Variants in BCAP31 observed in about 807,000 individuals in gnomAD.
BCAP31 encodes the protein B-cell receptor-associated protein 31.
For synonymous variants in BCAP31, 75 were observed against 80.9 expected (o/e 0.93, Z 0.39); for missense variants, 124 against 193.0 (o/e 0.64, Z 2.12).
chrX:153,716,998 T>C, intron 3 of BCAP31, among the ~76,000 whole-genome samples: 1 of 102,437 alleles, frequency 9.8e-6, no homozygotes, highest in Non-Finnish European at 2.0e-5. Context: ...AATAAAAATG[T>C]GGTCACATCT....
chrX:153,711,912 A>G (rs185139692), intron 4 of BCAP31, among the ~76,000 whole-genome samples: 3,330 of 109,109 alleles, frequency 0.031, 119 homozygotes, highest in African/African-American at 0.099. Flanking sequence ...CTCAAAAAAA[A>G]AAAAAAAAGA....
chrX:153,702,491 G>A, intron 6 of BCAP31: 1 of 179,858 alleles, frequency 5.6e-6, no homozygotes, highest in Non-Finnish European at 1.0e-5. Context: ...CGAGGCCTGT[G>A]GTATTGGGGG....
rs182338562 is a variant in BCAP31 at position 153,700,640 on chromosome X, C to T, written c.*297G>A. On this transcript the variant is annotated 3_prime_UTR_variant, in exon 8 of 8. Transcript: ENST00000345046. Reference sequence around the variant, plus strand: ...ACAGGAAGTCAGCCCCACCGCAAGCCGGACTACAACTAACTCGTGCTCTCC... The same window carrying T: ...ACAGGAAGTCAGCCCCACCGCAAGCTGGACTACAACTAACTCGTGCTCTCC... 222 of 268,780 alleles carry T rather than the reference C, an allele frequency of 8.3e-4. No homozygotes were observed. The highest frequency in any genetic ancestry group is 5.7e-3 in the African/African-American group (200 of 35,205). The allele number at this position is 268,780 out of a possible 1,213,427, so 22.2% of individuals were successfully genotyped here. A position where few individuals can be genotyped will look rare whatever the true frequency, so the allele number is the denominator to read the frequency against.
chrX:153,721,464 C>G (rs1271510611), intron 2 of BCAP31, among the ~76,000 whole-genome samples: 2 of 104,309 alleles, frequency 1.9e-5, no homozygotes, highest in African/African-American at 7.0e-5. Context: ...AGATGCTGGT[C>G]CACGTATAGA....
intron 4 of BCAP31, among the ~76,000 whole-genome samples, chrX:153,706,060 T>C (rs1267582577): frequency 2.7e-5 from 3 of 111,741 alleles, no homozygotes; most frequent in African/African-American, 3.3e-5. Flanking sequence ...ATCCACGCTG[T>C]GTGTGTCCGA....
intron 4 of BCAP31, among the ~76,000 whole-genome samples, chrX:153,713,837 A>G (rs1350323180): frequency 1.9e-5 from 2 of 104,299 alleles, no homozygotes; most frequent in Admixed American, 1.0e-4. Context: ...CATGTCTTTC[A>G]TGATTCAGAG....
At position 153,701,013 on chromosome X, in the gene BCAP31, C is replaced by G. The variant is rs367861643; in HGVS notation, c.703-38G>C. ...AGAAATCCCACAGCAGTAGGTTGGC[C>G]GGGTCCACTCCTCCCCTGCCACCTC... is the stretch of plus-strand genomic sequence containing the variant. On this transcript the variant is annotated intron_variant, in intron 7 of 7. Coordinates refer to ENST00000345046, the MANE Select transcript of BCAP31 (RefSeq NM_001256447.2). The G allele has an allele frequency of 2.6e-6, 3 of 1,160,205 alleles. No homozygotes were observed. The South Asian group carries it at 5.6e-5, about 22-fold the overall frequency.
At chrX:153,719,200 G>A (rs1036255496) in intron 3 of BCAP31, among the ~76,000 whole-genome samples, 1 of 111,591 alleles carries the variant, frequency 9.0e-6, no homozygotes, top group Non-Finnish European at 1.9e-5. Flanking sequence ...GTTTGGGGAA[G>A]GGGCAAGACC....
intron 3 of BCAP31, among the ~76,000 whole-genome samples, chrX:153,718,189 C>A (rs1346868649): frequency 3.7e-5 from 4 of 109,449 alleles, no homozygotes; most frequent in Non-Finnish European, 7.6e-5. Flanking sequence ...TGGTGGCGGG[C>A]GCCTGTAACC....
At chrX:153,712,799 A>C (rs1422233977) in intron 4 of BCAP31, among the ~76,000 whole-genome samples, 2 of 112,547 alleles carry the variant, frequency 1.8e-5, no homozygotes. Context: ...TGCTAGTCTA[A>C]GAGTTAAATC....
At chrX:153,710,416 C>T (rs1412493787) in intron 4 of BCAP31, among the ~76,000 whole-genome samples, 1 of 111,808 alleles carries the variant, frequency 8.9e-6, no homozygotes, top group Non-Finnish European at 1.9e-5. Context: ...TGGAGGTTGG[C>T]TACTTGACAC....
intron 3 of BCAP31, among the ~76,000 whole-genome samples, chrX:153,715,932 C>T (rs188209780): frequency 9.3e-6 from 1 of 107,780 alleles, no homozygotes; most frequent in African/African-American, 3.4e-5. Context: ...CAGAGGCGGG[C>T]AGATCACCTG....
chrX:153,714,631 T>A (rs1569540232), intron 4 of BCAP31, among the ~76,000 whole-genome samples: 1 of 110,878 alleles, frequency 9.0e-6, no homozygotes, highest in East Asian at 2.8e-4. Context: ...AGAGCAAGAA[T>A]CTCCTAGGCA....
At position 153,723,249 on chromosome X, in the gene BCAP31, T is replaced by C; in HGVS notation, c.-5A>G. 1 of 1,208,822 alleles carries C rather than the reference T, an allele frequency of 8.3e-7. No homozygotes were observed. The highest frequency in any genetic ancestry group is 1.1e-6 in the Non-Finnish European group (1 of 893,830). ...TGCAGTCCACTGCAGACTCATCCTG[T>C]TGCTAGAAGGTTTCCCACAGGAAGA... On this transcript the variant is annotated 5_prime_UTR_variant, in exon 2 of 8. Transcript: ENST00000345046.
At chrX:153,714,342 C>G (rs1311553449) in intron 4 of BCAP31, among the ~76,000 whole-genome samples, 1 of 110,729 alleles carries the variant, frequency 9.0e-6, no homozygotes, top group Non-Finnish European at 1.9e-5. Context: ...CCCTTTCAGC[C>G]TCAGACCACA....
At position 153,703,948 on chromosome X, in the gene BCAP31, G is replaced by C. The variant is rs782743251; in HGVS notation, c.477+11C>G. 3 of 1,210,075 alleles carry C rather than the reference G, an allele frequency of 2.5e-6. No individual in the cohort carries two copies. Among genetic ancestry groups the C allele is most frequent in the Non-Finnish European group, 2.2e-6 (2 of 894,277 alleles). On this transcript the variant is annotated intron_variant, in intron 5 of 7. Transcript: ENST00000345046. ...AGGACGCCCCATGGTGGGTCGGGAA[G>C]CTGGGCTCACCTTCTTGAGCTGGTC...
intron 4 of BCAP31, among the ~76,000 whole-genome samples, chrX:153,709,283 G>A (rs1444934505): frequency 8.9e-6 from 1 of 111,900 alleles, no homozygotes; most frequent in Non-Finnish European, 1.9e-5. Context: ...TAATGGCAGC[G>A]ATGGGATTCT....
intron 4 of BCAP31, among the ~76,000 whole-genome samples, chrX:153,712,335 C>A (rs1279873208): frequency 2.7e-5 from 3 of 109,324 alleles, no homozygotes; most frequent in Non-Finnish European, 5.7e-5. Flanking sequence ...GGCAAAAGGG[C>A]GGGGCTGCAG....
Position 153,723,179 on chromosome X carries a change from G to C in BCAP31, c.66C>G (p.Leu22=), listed in dbSNP as rs782522172. Reference sequence around the variant, plus strand: ...TTTTAGGAGAAATGAAGGGAATGCAGAGAAGCAACACAACAAAGACCTCCG... The same window carrying C: ...TTTTAGGAGAAATGAAGGGAATGCACAGAAGCAACACAACAAAGACCTCCG... ...LYAEVFVVLL[L]CIPFISPKRW... is the part of the protein sequence containing the mutation. Residue 22 remains leucine (L), a synonymous_variant, in exon 2 of 8, where the codon CTC becomes CTG. Transcript: ENST00000345046. 1 of 1,211,090 alleles carries C rather than the reference G, an allele frequency of 8.3e-7. No homozygotes were observed. Among genetic ancestry groups the C allele is most frequent in the Non-Finnish European group, 1.1e-6 (1 of 895,310 alleles).
Sources: allele counts gnomAD v4.1 joint callset (sites outside exome capture counted in the v4.1 genomes callset), GRCh38; gene constraint gnomAD v4.1.1; transcripts MANE v1.5; gene names NCBI Gene and HGNC (gene_info 2026-07-23, HGNC 2026-07-21).